Variants in LRRIQ3 observed in about 807,000 individuals in gnomAD.
The protein encoded by LRRIQ3 is leucine-rich repeat and IQ domain-containing protein 3.
A neutral mutation model predicts 59.3 loss-of-function variants in LRRIQ3; 75 were observed. That is an observed-to-expected ratio of 1.26 (90% CI 1.05 to 1.53). LRRIQ3 has a LOEUF of 1.53. LRRIQ3 is among the 40% of genes most tolerant of loss of function. LRRIQ3 has a pLI of 0.00. For missense variants in LRRIQ3, 831 were observed against 710.0 expected, an observed-to-expected ratio of 1.17 and a Z score of -1.94; for synonymous variants, 250 against 231.3, an observed-to-expected ratio of 1.08 and a Z score of -0.73.
At chr1:74,030,580 C>G (rs909926059) in intron 7 of LRRIQ3, among the ~76,000 whole-genome samples, 3 of 152,242 alleles carry the variant, frequency 2.0e-5, no homozygotes, top group East Asian at 3.9e-4. Context: ...GAAACTGGAT[C>G]CCTTCCTTAC....
intron 6 of LRRIQ3, among the ~76,000 whole-genome samples, chr1:74,056,811 T>A (rs149641465): frequency 1.3e-5 from 2 of 152,224 alleles, no homozygotes; most frequent in East Asian, 3.9e-4. Flanking sequence ...CCCAACCAAG[T>A]CTCAACTTGA....
At chr1:74,039,601 T>A (rs184222338) in intron 7 of LRRIQ3, among the ~76,000 whole-genome samples, 13 of 152,262 alleles carry the variant, frequency 8.5e-5, no homozygotes, top group Non-Finnish European at 1.8e-4. Flanking sequence ...GCAGAAACTC[T>A]ACAAGCCAGA....
intron 3 of LRRIQ3, among the ~76,000 whole-genome samples, chr1:74,173,912 T>G (rs1343005671): frequency 1.3e-5 from 2 of 152,022 alleles, no homozygotes; most frequent in East Asian, 3.9e-4. Flanking sequence ...ACGTTTTGGG[T>G]TTTTTATTGT....
intron 7 of LRRIQ3, among the ~76,000 whole-genome samples, chr1:74,038,609 C>G (rs780655741): frequency 8.5e-5 from 13 of 152,196 alleles, no homozygotes; most frequent in Non-Finnish European, 1.8e-4. Flanking sequence ...AAAGAAGAAG[C>G]AGGCACTCAT....
rs540337136 is a variant in LRRIQ3 at position 74,046,953 on chromosome 1, G to C, written c.998-5020C>G. On this transcript the variant is annotated intron_variant, in intron 6 of 7. Transcript: ENST00000354431. ...ATCATTAAAAAGTCAGGAAACAACA[G>C]ATGCTGGAGAGGATGTGGGGAAATA... 2.6e-5 allele frequency among the ~76,000 whole-genome samples: 4 copies of C among 152,298 alleles called. No individual in the cohort carries two copies. The East Asian group carries it at 7.7e-4, about 29-fold the overall frequency.
intron 5 of LRRIQ3, among the ~76,000 whole-genome samples, chr1:74,099,325 C>T (rs1053599078): frequency 7.9e-5 from 12 of 152,020 alleles, no homozygotes; most frequent in Admixed American, 1.3e-4. Flanking sequence ...ATAAATTCCT[C>T]GACCCATACA....
intron 6 of LRRIQ3, among the ~76,000 whole-genome samples, chr1:74,060,248 C>T (rs1247611180): frequency 7.1e-6 from 1 of 139,870 alleles, no homozygotes; most frequent in Non-Finnish European, 1.5e-5. Context: ...TCTTCTTCTT[C>T]TTCTTCTTCC....
chr1:74,030,150 G>T (rs1424288948), intron 7 of LRRIQ3, among the ~76,000 whole-genome samples: 1 of 152,066 alleles, frequency 6.6e-6, no homozygotes, highest in Non-Finnish European at 1.5e-5. Context: ...ACTATTCCAT[G>T]CTCATGGATA....
At chr1:74,065,216 A>T (rs1454166596) in intron 6 of LRRIQ3, among the ~76,000 whole-genome samples, 1 of 152,128 alleles carries the variant, frequency 6.6e-6, no homozygotes, top group Non-Finnish European at 1.5e-5. Context: ...AGCTCAACAA[A>T]TGTTCATCCC....
At chr1:74,094,303 A>C (rs149030121) in intron 5 of LRRIQ3, among the ~76,000 whole-genome samples, 134 of 152,220 alleles carry the variant, frequency 8.8e-4, no homozygotes, top group Non-Finnish European at 1.5e-3. Flanking sequence ...AGATATTTGC[A>C]GATGTGATTA....
At chr1:74,128,887 C>A (rs1407532707) in intron 4 of LRRIQ3, among the ~76,000 whole-genome samples, 1 of 152,034 alleles carries the variant, frequency 6.6e-6, no homozygotes, top group African/African-American at 2.4e-5. Context: ...CGAAATTCTT[C>A]TTGGATAGTT....
intron 5 of LRRIQ3, among the ~76,000 whole-genome samples, chr1:74,095,372 A>G (rs1332270742): frequency 6.6e-6 from 1 of 152,110 alleles, no homozygotes; most frequent in Non-Finnish European, 1.5e-5. Flanking sequence ...TAACTATTGC[A>G]TTCTCTTCCT....
chr1:74,027,078 T>C, intron 7 of LRRIQ3, 109 bp from the exon 8 acceptor site: 2 of 706,740 alleles, frequency 2.8e-6, no homozygotes, highest in Middle Eastern at 4.1e-4. Flanking sequence ...AATAGGCATA[T>C]ACAAGTGAGA....
chr1:74,156,019 G>A (rs1435313539), intron 3 of LRRIQ3, among the ~76,000 whole-genome samples, 153 bp from the exon 4 acceptor site: 1 of 152,176 alleles, frequency 6.6e-6, no homozygotes, highest in Non-Finnish European at 1.5e-5. Context: ...ATGGTTGGAT[G>A]TTTGTGCCCT....
At chr1:74,084,034 T>C in intron 5 of LRRIQ3, 1 of 656,258 alleles carries the variant, frequency 1.5e-6, no homozygotes, top group Non-Finnish European at 2.4e-6. Flanking sequence ...ACTAAGTGTA[T>C]TTCTCTTTTC....
chr1:74,134,146 A>C (rs569902429), intron 4 of LRRIQ3, among the ~76,000 whole-genome samples: 2 of 152,128 alleles, frequency 1.3e-5, no homozygotes, highest in East Asian at 3.9e-4. Flanking sequence ...TGAGTGAGGG[A>C]CTTGGCAACT....
intron 5 of LRRIQ3, among the ~76,000 whole-genome samples, chr1:74,096,347 G>A (rs946386921): frequency 6.6e-6 from 1 of 152,042 alleles, no homozygotes; most frequent in African/African-American, 2.4e-5. Flanking sequence ...AGGAACCTAA[G>A]GTGGTCCCTG....
chr1:74,059,212 T>C (rs1372165645), intron 6 of LRRIQ3, among the ~76,000 whole-genome samples: 2 of 152,062 alleles, frequency 1.3e-5, no homozygotes, highest in African/African-American at 2.4e-5. Context: ...TTTGATGTGG[T>C]TCAATCTTTC....
chr1:74,197,099 G>T (rs1275821204), intron 1 of LRRIQ3, among the ~76,000 whole-genome samples: 1 of 151,982 alleles, frequency 6.6e-6, no homozygotes, highest in Non-Finnish European at 1.5e-5. Flanking sequence ...TTTAATTAAT[G>T]AAGTTTTAAA....
Sources: allele counts gnomAD v4.1 joint callset (sites outside exome capture counted in the v4.1 genomes callset), GRCh38; gene constraint gnomAD v4.1.1; transcripts MANE v1.5; gene names NCBI Gene and HGNC (gene_info 2026-07-23, HGNC 2026-07-21).